ELMO1: variants seen among roughly 807,000 people sequenced by gnomAD.
ELMO1 encodes the protein engulfment and cell motility protein 1.
ELMO1 carries 26 observed loss-of-function variants against 98.9 expected under a neutral mutation model. That is an observed-to-expected ratio of 0.26 (90% CI 0.19 to 0.36). ELMO1 has a LOEUF of 0.36. ELMO1 is among the 10% of genes least tolerant of loss of function. The pLI is 1.00. For synonymous variants in ELMO1, 346 were observed against 346.0 expected (o/e 1.00, Z 0.00); for missense variants, 627 against 935.2 (o/e 0.67, Z 4.30).
chr7:37,432,680 CAT>C (rs1243339233), intron 1 of ELMO1, among the ~76,000 whole-genome samples: 6 of 152,356 alleles, frequency 3.9e-5, no homozygotes, highest in East Asian at 3.9e-4. Flanking sequence ...GGTAACCACA[CAT>C]GTGGTAAAAA....
intron 15 of ELMO1, among the ~76,000 whole-genome samples, chr7:37,073,420 A>G (rs991805720): frequency 2.0e-5 from 3 of 152,192 alleles, no homozygotes; most frequent in African/African-American, 7.2e-5. Flanking sequence ...AGTAGAGGCT[A>G]AAAGGGAACA....
chr7:37,124,204 AT>A (rs1786318232), intron 14 of ELMO1, among the ~76,000 whole-genome samples: 1 of 152,238 alleles, frequency 6.6e-6, no homozygotes, highest in Non-Finnish European at 1.5e-5. Context: ...AACTGGAAGC[AT>A]TCCCTTTGAA....
At chr7:37,303,596 C>T (rs1336364954) in intron 4 of ELMO1, among the ~76,000 whole-genome samples, 2 of 152,082 alleles carry the variant, frequency 1.3e-5, no homozygotes, top group Non-Finnish European at 2.9e-5. Context: ...ATGGTTTTTG[C>T]TTTTCACTGT....
chr7:37,122,477 G>A (rs1786134486), intron 14 of ELMO1, among the ~76,000 whole-genome samples: 1 of 152,078 alleles, frequency 6.6e-6, no homozygotes, highest in Non-Finnish European at 1.5e-5. Flanking sequence ...AAAAGGCAGG[G>A]GTTGGAATCC....
chr7:36,981,685 A>C (rs945223349), intron 16 of ELMO1, among the ~76,000 whole-genome samples: 2 of 152,196 alleles, frequency 1.3e-5, no homozygotes, highest in Admixed American at 1.3e-4. Context: ...AGTAAGGATG[A>C]AGAAAGAAAT....
At chr7:37,214,559 G>C (rs1405580385) in intron 11 of ELMO1, among the ~76,000 whole-genome samples, 1 of 152,068 alleles carries the variant, frequency 6.6e-6, no homozygotes, top group Non-Finnish European at 1.5e-5. Flanking sequence ...TGCTGAAATA[G>C]CTAATTCAAG....
chr7:37,266,596 A>G (rs947475771), intron 5 of ELMO1, among the ~76,000 whole-genome samples: 2 of 152,244 alleles, frequency 1.3e-5, no homozygotes, highest in African/African-American at 4.8e-5. Context: ...CATAGTTTGC[A>G]ATCTTGACAT....
At chr7:37,051,387 T>C (rs1796103739) in intron 15 of ELMO1, among the ~76,000 whole-genome samples, 6 of 152,240 alleles carry the variant, frequency 3.9e-5, no homozygotes, top group Admixed American at 3.9e-4. Flanking sequence ...GTAAGACTAA[T>C]AAATCTTAAC....
intron 16 of ELMO1, among the ~76,000 whole-genome samples, chr7:36,952,929 T>G (rs942024220): frequency 6.6e-6 from 1 of 150,784 alleles, no homozygotes; most frequent in Non-Finnish European, 1.5e-5. Context: ...TTCAATATAA[T>G]GAGGTCAATG....
intron 5 of ELMO1, among the ~76,000 whole-genome samples, chr7:37,265,749 T>C (rs1796207028): frequency 6.7e-6 from 1 of 148,924 alleles, no homozygotes; most frequent in Non-Finnish European, 1.5e-5. Context: ...CTTAAGAGTG[T>C]CCCCAGGGGT....
At chr7:37,070,892 C>T (rs1360158574) in intron 15 of ELMO1, among the ~76,000 whole-genome samples, 2 of 152,222 alleles carry the variant, frequency 1.3e-5, no homozygotes, top group Non-Finnish European at 2.9e-5. Flanking sequence ...GGAATCAGTG[C>T]ATCATCCTAA....
At chr7:37,029,579 G>A (rs900056386) in intron 15 of ELMO1, among the ~76,000 whole-genome samples, 2 of 152,088 alleles carry the variant, frequency 1.3e-5, no homozygotes, top group Admixed American at 1.3e-4. Context: ...ACTAGGGTGT[G>A]CTCTCAGAAT....
intron 15 of ELMO1, among the ~76,000 whole-genome samples, chr7:37,080,596 C>T (rs1797816772): frequency 7.0e-6 from 1 of 143,104 alleles, no homozygotes; most frequent in African/African-American, 2.7e-5. Flanking sequence ...TGCCACCACG[C>T]CTAATTTTTT....
chr7:36,930,952 A>G (rs954319856), intron 16 of ELMO1, among the ~76,000 whole-genome samples: 4 of 152,218 alleles, frequency 2.6e-5, no homozygotes, highest in Non-Finnish European at 5.9e-5. Flanking sequence ...CTCTTCCTCC[A>G]TCAGTCCTCA....
rs149767453 is a variant in ELMO1 at position 37,223,640 on chromosome 7, G to A, written c.702-947C>T. On this transcript the variant is annotated intron_variant, in intron 9 of 21. Coordinates refer to ENST00000310758, the MANE Select transcript of ELMO1 (RefSeq NM_014800.11). ...CTTTGAGATTCCCACAAAAGACACA[G>A]TATATAAATTAATACAGTTCACATT... is the stretch of plus-strand genomic sequence containing the variant. Among the ~76,000 whole-genome samples the A allele has an allele frequency of 4.6e-5, 7 of 152,286 alleles. No individual in the cohort carries two copies. In the East Asian group the frequency reaches 1.3e-3, roughly 29 times the overall value.
rs1054661784 is a variant in ELMO1, at chr7:37,258,844, A to G, written c.413+337T>C. ...GGAAAATTTTTCTTAGGGATAGGCA[A>G]CGAATATGAGGGACTATTGTTTTGT... is the stretch of plus-strand genomic sequence containing the variant. On this transcript the variant is annotated intron_variant, in intron 6 of 21. Transcript: ENST00000310758. 2.0e-5 allele frequency among the ~76,000 whole-genome samples: 3 copies of G among 152,148 alleles called. No homozygotes were observed. The South Asian group carries it at 6.2e-4, about 32-fold the overall frequency.
chr7:37,162,554 C>T (rs879748116), intron 13 of ELMO1, among the ~76,000 whole-genome samples: 4 of 152,172 alleles, frequency 2.6e-5, no homozygotes, highest in Non-Finnish European at 4.4e-5. Context: ...ACTTGTCAAC[C>T]TACAAATATA....
chr7:37,002,844 C>G (rs1313052360), intron 16 of ELMO1, among the ~76,000 whole-genome samples: 3 of 152,186 alleles, frequency 2.0e-5, no homozygotes, highest in African/African-American at 7.2e-5. Flanking sequence ...GAGCAAGGCT[C>G]TGCTCTTAGG....
intron 13 of ELMO1, among the ~76,000 whole-genome samples, chr7:37,183,407 G>C (rs911024230): frequency 5.9e-5 from 9 of 152,188 alleles, no homozygotes; most frequent in African/African-American, 2.2e-4. Flanking sequence ...ATAAGGATGT[G>C]ACAATGAGGA....
Sources: gnomAD v4.1 joint callset for allele counts (sites outside exome capture counted in the v4.1 genomes callset) on GRCh38, gnomAD v4.1.1 for gene constraint, MANE v1.5 for transcripts, NCBI Gene and HGNC (gene_info 2026-07-23, HGNC 2026-07-21) for gene names.